Variants in CNTLN observed in about 807,000 individuals in gnomAD.
The protein encoded by CNTLN is centlein, also known as centlein, centrosomal protein.
Under a neutral mutation model 180.0 loss-of-function variants are expected in CNTLN, and 212 were observed. The observed-to-expected ratio is 1.18, with a 90% CI of 1.05 to 1.32. The LOEUF (loss-of-function observed/expected upper bound fraction) is 1.32, where lower values mean the gene tolerates loss of function less well. Ranked by LOEUF, CNTLN falls within the 40% of genes most tolerant of loss-of-function variation. The pLI is 0.00. For synonymous variants in CNTLN, 722 were observed against 563.1 expected (o/e 1.28, Z -3.99); for missense variants, 2,095 against 1,610.9 (o/e 1.30, Z -5.14).
chr9:17,346,025 CA>C (rs1821857829), intron 12 of CNTLN, among the ~76,000 whole-genome samples: 1 of 152,062 alleles, frequency 6.6e-6, no homozygotes, highest in African/African-American at 2.4e-5. Context: ...TCTGTTTTCA[CA>C]GTATAAAGAA....
chr9:17,269,092 C>T (rs1563941515), intron 5 of CNTLN, among the ~76,000 whole-genome samples: 2 of 152,102 alleles, frequency 1.3e-5, no homozygotes, highest in Non-Finnish European at 2.9e-5. Flanking sequence ...CCCGGTACCT[C>T]AGATGGAAAT....
intron 10 of CNTLN, among the ~76,000 whole-genome samples, chr9:17,335,431 T>A (rs2133155047): frequency 6.6e-6 from 1 of 151,750 alleles, no homozygotes; most frequent in South Asian, 2.1e-4. Flanking sequence ...GCAGGAGAAT[T>A]GCTTGAACCT....
intron 23 of CNTLN, among the ~76,000 whole-genome samples, chr9:17,481,514 G>C (rs1015338880): frequency 6.6e-6 from 1 of 152,172 alleles, no homozygotes; most frequent in East Asian, 1.9e-4. Context: ...CCTGTCCAGA[G>C]AGAGAACCAA....
chr9:17,437,755 A>G (rs1441339921), intron 18 of CNTLN, among the ~76,000 whole-genome samples: 1 of 152,174 alleles, frequency 6.6e-6, no homozygotes, highest in Non-Finnish European at 1.5e-5. Flanking sequence ...CCCGATAATA[A>G]CACAGTTGAA....
chr9:17,327,919 C>T (rs537570426), intron 8 of CNTLN, among the ~76,000 whole-genome samples: 1 of 152,026 alleles, frequency 6.6e-6, no homozygotes, highest in African/African-American at 2.4e-5. Context: ...CACCATTGCA[C>T]TCCAGCCTGG....
intron 18 of CNTLN, chr9:17,448,155 T>C: frequency 4.8e-6 from 1 of 208,570 alleles, no homozygotes; most frequent in Non-Finnish European, 1.0e-5. Flanking sequence ...AACTGCCCAT[T>C]AATTTCCTTA....
At chr9:17,470,762 G>A (rs552484751) in intron 23 of CNTLN, among the ~76,000 whole-genome samples, 20 of 152,098 alleles carry the variant, frequency 1.3e-4, no homozygotes, top group African/African-American at 4.6e-4. Context: ...CATCTTTTCA[G>A]TGGATTTTGT....
Position 17,394,494 on chromosome 9 carries a change from T to C in CNTLN, c.2080-40T>C, listed in dbSNP as rs142087218. The C allele has an allele frequency of 3.2e-3, 4,128 of 1,306,480 alleles. 14 individuals carry two copies. Among genetic ancestry groups the C allele is most frequent in the Admixed American group, 3.9e-3 (164 of 41,904 alleles). 80.9% of individuals were successfully genotyped at this position (1,306,480 alleles called of 1,614,324 possible). A position where few individuals can be genotyped will look rare whatever the true frequency, so the allele number is the denominator to read the frequency against. ...AATGGTAATAAAGTATAGTAGATTA[T>C]GGTTTTTGGATTCTTAAAAGAATAA... On this transcript the variant is annotated intron_variant, in intron 14 of 25. Coordinates refer to ENST00000380647, the MANE Select transcript of CNTLN (RefSeq NM_017738.4).
rs1346167545 is a variant in CNTLN, at chr9:17,394,579, A to C, written c.2125A>C (p.Arg709=). 7.5e-6 allele frequency: 12 copies of C among 1,592,274 alleles called. No individual in the cohort carries two copies. Among genetic ancestry groups the C allele is most frequent in the Non-Finnish European group, 1.0e-5 (12 of 1,174,144 alleles). The change falls in exon 15 of 26, where the codon AGA becomes CGA. Residue 709 remains arginine (R), a synonymous_variant. Transcript: ENST00000380647. ...NRLKSFEKRS[R]KLKEGNKKLM... is the part of the protein sequence containing the mutation. ...GCTGAAATCTTTTGAGAAAAGGTCGAGAAAATTAAAAGAAGGGAATAAAAA... is the reference window on the plus strand; with the variant it reads ...GCTGAAATCTTTTGAGAAAAGGTCGCGAAAATTAAAAGAAGGGAATAAAAA...
At chr9:17,519,104 A>T in the CNTLN span, among the ~76,000 whole-genome samples, 952 of 131,582 alleles carry the variant, frequency 7.2e-3, 6 homozygotes, top group African/African-American at 0.037. Flanking sequence ...TTATTTATTT[A>T]TTTTTTAAAG....
intron 6 of CNTLN, among the ~76,000 whole-genome samples, chr9:17,274,771 A>G (rs1011709378): frequency 6.6e-6 from 1 of 152,014 alleles, no homozygotes; most frequent in African/African-American, 2.4e-5. Flanking sequence ...ATTTTCCTTC[A>G]TGTTAGTGGG....
chr9:17,260,020 T>A (rs897566829), intron 5 of CNTLN, among the ~76,000 whole-genome samples: 11 of 142,746 alleles, frequency 7.7e-5, no homozygotes, highest in African/African-American at 3.1e-4. Flanking sequence ...TCCGCTAGCT[T>A]TTGAATGTGT....
intron 9 of CNTLN, among the ~76,000 whole-genome samples, chr9:17,331,032 A>T (rs538100286): frequency 5.9e-5 from 9 of 152,022 alleles, no homozygotes; most frequent in Non-Finnish European, 1.2e-4. Flanking sequence ...ATATATTATT[A>T]GTGCTATACC....
intron 12 of CNTLN, among the ~76,000 whole-genome samples, chr9:17,349,983 G>C (rs1043438259): frequency 1.4e-4 from 21 of 152,222 alleles, no homozygotes; most frequent in African/African-American, 4.1e-4. Flanking sequence ...TAAGAGGCAA[G>C]CTTTCAGAAA....
intron 2 of CNTLN, among the ~76,000 whole-genome samples, chr9:17,207,497 G>A (rs1280189605): frequency 6.6e-6 from 1 of 152,130 alleles, no homozygotes; most frequent in East Asian, 1.9e-4. Context: ...GCACACGAGG[G>A]AATCTTCCGT....
At chr9:17,262,829 G>A (rs1827103404) in intron 5 of CNTLN, among the ~76,000 whole-genome samples, 1 of 151,310 alleles carries the variant, frequency 6.6e-6, no homozygotes, top group Non-Finnish European at 1.5e-5. Context: ...TGATCAGTAT[G>A]ATGTTGGCTG....
intron 12 of CNTLN, among the ~76,000 whole-genome samples, chr9:17,363,999 T>G (rs1333421311): frequency 6.6e-6 from 1 of 152,188 alleles, no homozygotes; most frequent in Non-Finnish European, 1.5e-5. Flanking sequence ...GATCTTTAGT[T>G]GTTAGAAGTG....
chr9:17,395,211 C>G, intron 15 of CNTLN, 142 bp downstream of exon 15: 4 of 1,295,032 alleles, frequency 3.1e-6, no homozygotes, highest in Non-Finnish European at 4.1e-6. Flanking sequence ...CTTGGGAGGT[C>G]TTGTTCTGAG....
At chr9:17,430,031 A>C (rs1455950677) in intron 18 of CNTLN, among the ~76,000 whole-genome samples, 1 of 152,006 alleles carries the variant, frequency 6.6e-6, no homozygotes, top group Non-Finnish European at 1.5e-5. Context: ...ATTTTCTGAA[A>C]ACTTACCATA....
Sources: gnomAD v4.1 joint callset for allele counts (sites outside exome capture counted in the v4.1 genomes callset) on GRCh38, gnomAD v4.1.1 for gene constraint, MANE v1.5 for transcripts, NCBI Gene and HGNC (gene_info 2026-07-23, HGNC 2026-07-21) for gene names.